Variants in SRGAP3 observed in about 807,000 individuals in gnomAD.
SRGAP3 encodes SLIT-ROBO Rho GTPase activating protein 3.
Under a neutral mutation model 121.1 loss-of-function variants are expected in SRGAP3, and 39 were observed. The observed-to-expected ratio is 0.32, with a 90% CI of 0.25 to 0.42. The LOEUF (loss-of-function observed/expected upper bound fraction) is 0.42. Ranked by LOEUF, SRGAP3 falls within the 10% of genes least tolerant of loss-of-function variation. SRGAP3 has a pLI of 1.00. For missense variants in SRGAP3, 1,213 were observed against 1,470.6 expected, an observed-to-expected ratio of 0.82 and a Z score of 2.86; for synonymous variants, 601 against 570.0, an observed-to-expected ratio of 1.05 and a Z score of -0.77.
chr3:9,353,903 C>CA (rs1369462311), intron 1 of SRGAP3, among the ~76,000 whole-genome samples: 1 of 152,050 alleles, frequency 6.6e-6, no homozygotes, highest in Non-Finnish European at 1.5e-5. Context: ...CAAGTGGGAT[C>CA]TTCTTTTAAC....
At chr3:9,083,982 C>T (rs1200274770) in intron 3 of SRGAP3, among the ~76,000 whole-genome samples, 1 of 152,188 alleles carries the variant, frequency 6.6e-6, no homozygotes, top group Non-Finnish European at 1.5e-5. Flanking sequence ...CTCATCCCCG[C>T]AAACTCAAAT....
intron 1 of SRGAP3, among the ~76,000 whole-genome samples, chr3:9,152,066 G>A (rs1950230173): frequency 6.6e-6 from 1 of 152,234 alleles, no homozygotes; most frequent in Non-Finnish European, 1.5e-5. Context: ...GGGCCTCCCT[G>A]AGTAGAATGT....
At chr3:8,986,057 A>T (rs1574846779) in intron 21 of SRGAP3, 125 bp from the exon 22 acceptor site, 2 of 1,538,198 alleles carry the variant, frequency 1.3e-6, no homozygotes, top group East Asian at 4.8e-5. Flanking sequence ...ATGGAGATTA[A>T]GTCCTCAGGA....
intron 14 of SRGAP3, among the ~76,000 whole-genome samples, chr3:9,021,958 C>T (rs1468227479): frequency 6.6e-6 from 1 of 152,184 alleles, no homozygotes; most frequent in Non-Finnish European, 1.5e-5. Flanking sequence ...CCTGTAATCC[C>T]AGCTACTTGG....
intron 3 of SRGAP3, among the ~76,000 whole-genome samples, chr3:9,273,492 A>C (rs1954518053): frequency 6.6e-6 from 1 of 152,198 alleles, no homozygotes; most frequent in Non-Finnish European, 1.5e-5. Context: ...TATAAGCCAG[A>C]TATTAACCCC....
intron 2 of SRGAP3, among the ~76,000 whole-genome samples, chr3:9,105,845 G>C (rs1948401584): frequency 6.6e-6 from 1 of 152,180 alleles, no homozygotes; most frequent in African/African-American, 2.4e-5. Flanking sequence ...AATGCATTTA[G>C]TAAGCCCAAA....
intron 1 of SRGAP3, among the ~76,000 whole-genome samples, chr3:9,137,303 A>G (rs1370179644): frequency 6.6e-6 from 1 of 152,180 alleles, no homozygotes; most frequent in Admixed American, 6.5e-5. Flanking sequence ...ACAGAGAATC[A>G]AAGCATATCA....
rs552462690 is a variant in SRGAP3 at position 8,983,756 on chromosome 3, T to C, written c.*1763A>G. ...CCAGTGTACACAGCTTGCTCACTGA[T>C]GTTTGACCTTTATTACCCTATTTTA... is the stretch of plus-strand genomic sequence containing the variant. On this transcript the variant is annotated 3_prime_UTR_variant, in exon 22 of 22. Transcript: ENST00000383836. 1.1e-4 allele frequency: 26 copies of C among 230,596 alleles called. No individual in the cohort carries two copies. In the South Asian group the frequency reaches 4.7e-3, roughly 42 times the overall value. The allele number at this position is 230,596 out of a possible 1,614,324, so 14.3% of individuals were successfully genotyped here.
At chr3:9,185,369 G>A (rs1951563379) in intron 1 of SRGAP3, among the ~76,000 whole-genome samples, 1 of 152,172 alleles carries the variant, frequency 6.6e-6, no homozygotes, top group Non-Finnish European at 1.5e-5. Context: ...GGGGCAGGGA[G>A]GATCATGACT....
chr3:9,020,082 C>G lies in SRGAP3; in HGVS notation c.1679-4351G>C, dbSNP rs145683499. ...GAGACATGGTTCCAATACCACCATTCTCTCCTGTGAGAGAGCTGAGGCCCT... is the reference window on the plus strand; with the variant it reads ...GAGACATGGTTCCAATACCACCATTGTCTCCTGTGAGAGAGCTGAGGCCCT... On this transcript the variant is annotated intron_variant, in intron 14 of 21. Transcript: ENST00000383836. Among the ~76,000 whole-genome samples, 241 of 152,334 alleles carry G rather than the reference C, an allele frequency of 1.6e-3. 7 individuals are homozygous for G. In the East Asian group the frequency reaches 0.04, roughly 25 times the overall value.
At chr3:9,027,037 C>A in intron 12 of SRGAP3, 42 bp from the exon 13 acceptor site, 3 of 1,580,994 alleles carry the variant, frequency 1.9e-6, no homozygotes, top group Non-Finnish European at 1.7e-6. Context: ...GGCTTGACAA[C>A]CACCACAGGA....
intron 17 of SRGAP3, 125 bp from the exon 18 acceptor site, chr3:9,010,512 A>G: frequency 1.0e-6 from 1 of 997,464 alleles, no homozygotes; most frequent in South Asian, 1.3e-5. Flanking sequence ...GGCCTATACC[A>G]TCCTATCTTT....
At chr3:9,283,544 T>C (rs1954717786) in intron 3 of SRGAP3, among the ~76,000 whole-genome samples, 1 of 152,250 alleles carries the variant, frequency 6.6e-6, no homozygotes, top group Non-Finnish European at 1.5e-5. Flanking sequence ...GCAGATATTC[T>C]AATTTTCATT....
chr3:9,226,105 C>T (rs770583386), intron 1 of SRGAP3, among the ~76,000 whole-genome samples: 1 of 152,182 alleles, frequency 6.6e-6, no homozygotes, highest in African/African-American at 2.4e-5. Context: ...AGAGCAGATC[C>T]TGCCCCGCAA....
chr3:9,091,253 C>T (rs1947744726), intron 3 of SRGAP3, among the ~76,000 whole-genome samples: 1 of 152,050 alleles, frequency 6.6e-6, no homozygotes, highest in African/African-American at 2.4e-5. Context: ...CGTCAGCCAG[C>T]CCCCTGTCTC....
intron 3 of SRGAP3, among the ~76,000 whole-genome samples, chr3:9,270,429 G>C (rs1954451698): frequency 1.3e-5 from 2 of 152,124 alleles, no homozygotes; most frequent in African/African-American, 4.8e-5. Context: ...AGATTGACCA[G>C]AAAGGGTCCC....
At chr3:9,343,621 G>C (rs1955830265) in intron 1 of SRGAP3, among the ~76,000 whole-genome samples, 1 of 152,014 alleles carries the variant, frequency 6.6e-6, no homozygotes, top group Non-Finnish European at 1.5e-5. Context: ...TCTATGAATA[G>C]GCATACATCT....
intron 3 of SRGAP3, among the ~76,000 whole-genome samples, chr3:9,325,083 T>C (rs1955495798): frequency 1.3e-5 from 2 of 151,924 alleles, no homozygotes; most frequent in Non-Finnish European, 2.9e-5. Flanking sequence ...ATGTCATTCA[T>C]AGGGTACAAT....
intron 9 of SRGAP3, among the ~76,000 whole-genome samples, chr3:9,052,753 C>T (rs1340719770): frequency 6.6e-6 from 1 of 152,176 alleles, no homozygotes; most frequent in Non-Finnish European, 1.5e-5. Context: ...TTCTTATCAC[C>T]CCACTGAATA....
Sources: allele counts gnomAD v4.1 joint callset (sites outside exome capture counted in the v4.1 genomes callset), GRCh38; gene constraint gnomAD v4.1.1; transcripts MANE v1.5; gene names NCBI Gene and HGNC (gene_info 2026-07-23, HGNC 2026-07-21).